The following NEBL variants were observed in gnomAD, a reference collection of about 807,000 sequenced individuals.
The protein encoded by NEBL is LIM and SH3 protein 2.
In NEBL, 122 loss-of-function variants were observed where a neutral mutation model predicts 140.2. The observed-to-expected ratio is 0.87, with a 90% CI of 0.75 to 1.01. NEBL has a LOEUF of 1.01. Among genes scored for constraint, NEBL ranks in the 50% least tolerant of loss-of-function variants. NEBL has a pLI of 0.00. For missense variants in NEBL, 1,365 were observed against 1,231.3 expected, an observed-to-expected ratio of 1.11 and a Z score of -1.62; for synonymous variants, 436 against 398.9, an observed-to-expected ratio of 1.09 and a Z score of -1.11.
intron 17 of NEBL, 32 bp downstream of exon 17, chr10:20,828,498 G>T (rs1298668723): frequency 7.1e-7 from 1 of 1,404,976 alleles, no homozygotes; most frequent in East Asian, 2.3e-5. Flanking sequence ...AAATTTCAAG[G>T]TGGCAACTTA....
chr10:21,204,883 A>G (rs898942850), intron 3 of NEBL, among the ~76,000 whole-genome samples: 1 of 152,204 alleles, frequency 6.6e-6, no homozygotes, highest in Non-Finnish European at 1.5e-5. Context: ...AAACCATGAC[A>G]TTTAGCATTC....
chr10:20,934,370 T>C (rs1378234580), intron 4 of NEBL, among the ~76,000 whole-genome samples: 2 of 152,116 alleles, frequency 1.3e-5, no homozygotes, highest in Non-Finnish European at 2.9e-5. Context: ...GATCAGAGAG[T>C]GTGCCACAGG....
chr10:20,938,257 C>G (rs1834621129), intron 4 of NEBL, among the ~76,000 whole-genome samples: 1 of 152,222 alleles, frequency 6.6e-6, no homozygotes, highest in South Asian at 2.1e-4. Flanking sequence ...GAGGAACGAT[C>G]AAGCAGCAAC....
intron 2 of NEBL, among the ~76,000 whole-genome samples, chr10:21,040,872 C>T (rs997312822): frequency 6.6e-6 from 1 of 152,158 alleles, no homozygotes; most frequent in African/African-American, 2.4e-5. Context: ...CCTTAGCCCT[C>T]TTCCTCTTCC....
In NEBL at chr10:20,896,483, C is replaced by CATATATATATATATAT. The variant is rs57289458; in HGVS notation, c.153+459_153+474dup. On this transcript the variant is annotated intron_variant, in intron 2 of 27. Transcript: ENST00000377122. ...CTGAATTGTAAATAAATATTATATG[C>CATATATATATATATAT]ATATATATATATATATATATATATA... 3.1e-3 allele frequency among the ~76,000 whole-genome samples: 274 copies of CATATATATATATATAT among 88,008 alleles called. 15 individuals carry two copies. The highest frequency in any genetic ancestry group is 3.9e-3 in the Non-Finnish European group (172 of 44,380). 57.7% of individuals were successfully genotyped at this position (88,008 alleles called of 152,430 possible).
intron 3 of NEBL, among the ~76,000 whole-genome samples, chr10:21,225,457 G>A (rs1258678292): frequency 2.0e-5 from 3 of 152,156 alleles, no homozygotes; most frequent in African/African-American, 7.2e-5. Context: ...CCAGCTTTAT[G>A]TTCTTCTCTT....
At chr10:21,049,165 T>G (rs1261668174) in intron 2 of NEBL, among the ~76,000 whole-genome samples, 1 of 152,236 alleles carries the variant, frequency 6.6e-6, no homozygotes, top group Non-Finnish European at 1.5e-5. Context: ...ATTAAAATGT[T>G]AATCTCATGT....
chr10:21,148,517 T>TTTTGTG (rs1840004183), intron 2 of NEBL, among the ~76,000 whole-genome samples: 1 of 151,772 alleles, frequency 6.6e-6, no homozygotes, highest in Non-Finnish European at 1.5e-5. Context: ...GTCGTTGTTG[T>TTTTGTG]TTTGTTTTTG....
At chr10:20,911,514 A>G (rs1392342957) in intron 4 of NEBL, among the ~76,000 whole-genome samples, 1 of 152,240 alleles carries the variant, frequency 6.6e-6, no homozygotes, top group Admixed American at 6.5e-5. Flanking sequence ...ACATTTATAA[A>G]ACCTACTACC....
chr10:21,172,303 G>T, intron 2 of NEBL: 1 of 1,112,196 alleles, frequency 9.0e-7, no homozygotes, highest in Non-Finnish European at 1.4e-6. Flanking sequence ...CAGTGAGTCA[G>T]TTCTTCAAAA....
chr10:20,808,769 G>T, intron 25 of NEBL, 110 bp from the exon 26 acceptor site: 2 of 1,219,010 alleles, frequency 1.6e-6, no homozygotes, highest in Non-Finnish European at 2.4e-6. Context: ...TCTTAGTAAA[G>T]AATAACTCAA....
chr10:20,938,364 C>T (rs2131556985), intron 4 of NEBL, among the ~76,000 whole-genome samples: 1 of 152,346 alleles, frequency 6.6e-6, no homozygotes, highest in South Asian at 2.1e-4. Context: ...TCCAACAGAC[C>T]TGCACCTGAG....
intron 26 of NEBL, among the ~76,000 whole-genome samples, chr10:20,792,224 G>A (rs1014851614): frequency 9.2e-5 from 14 of 151,854 alleles, no homozygotes; most frequent in African/African-American, 3.4e-4. Context: ...TTTTTCCTAT[G>A]GGCTTACTTT....
At chr10:21,146,222 G>A (rs924920755) in intron 2 of NEBL, 10 of 747,750 alleles carry the variant, frequency 1.3e-5, no homozygotes, top group Middle Eastern at 2.4e-4. Flanking sequence ...ATTTCATGCA[G>A]AGGGTACTCC....
intron 2 of NEBL, among the ~76,000 whole-genome samples, chr10:21,169,653 A>T (rs1482257258): frequency 6.6e-6 from 1 of 152,192 alleles, no homozygotes; most frequent in East Asian, 1.9e-4. Context: ...TTAGCATATG[A>T]CATGAACCTA....
chr10:20,942,268 C>T (rs1228444780), intron 4 of NEBL, among the ~76,000 whole-genome samples: 4 of 152,062 alleles, frequency 2.6e-5, no homozygotes, highest in Admixed American at 2.0e-4. Context: ...AGAACAGAGC[C>T]CTCAGAAATA....
At chr10:21,064,373 C>T (rs938454560) in intron 2 of NEBL, among the ~76,000 whole-genome samples, 4 of 152,070 alleles carry the variant, frequency 2.6e-5, no homozygotes, top group Admixed American at 2.6e-4. Context: ...GAGGGTGTTG[C>T]CTTCCCAGAA....
intron 2 of NEBL, among the ~76,000 whole-genome samples, chr10:21,078,586 C>T (rs73607586): frequency 0.084 from 12,851 of 152,148 alleles, 976 homozygotes; most frequent in East Asian, 0.28. Context: ...TTATAAATGA[C>T]CTGTATACAC....
Position 20,992,814 on chromosome 10 carries a change from G to C in NEBL, c.249+27303C>G, listed in dbSNP as rs954833761. ...TTTTTTTGAGGCGGAGTCTCGCTCT[G>C]TCACCCAGGCTGGAGTGCAGTGGTG... On this transcript the variant is annotated intron_variant, in intron 3 of 6. Coordinates refer to the NEBL transcript ENST00000417816. Among the ~76,000 whole-genome samples, 7 of 106,776 alleles carry C rather than the reference G, an allele frequency of 6.6e-5. 1 individual carries two copies. The South Asian group carries it at 1.3e-3, about 20-fold the overall frequency. 70.0% of individuals were successfully genotyped at this position (106,776 alleles called of 152,430 possible). A position where few individuals can be genotyped will look rare whatever the true frequency, so the allele number is the denominator to read the frequency against.
Sources: gnomAD v4.1 joint callset for allele counts (sites outside exome capture counted in the v4.1 genomes callset) on GRCh38, gnomAD v4.1.1 for gene constraint, MANE v1.5 for transcripts, NCBI Gene and HGNC (gene_info 2026-07-23, HGNC 2026-07-21) for gene names.